TMEM131: variants seen among roughly 807,000 people sequenced by gnomAD.
The protein encoded by TMEM131 is transmembrane protein 131.
A neutral mutation model predicts 211.6 loss-of-function variants in TMEM131; 66 were observed. The observed-to-expected ratio is 0.31, with a 90% CI of 0.26 to 0.38. The LOEUF is 0.38. TMEM131 is among the 10% of genes least tolerant of loss of function. TMEM131 has a pLI of 1.00. For synonymous variants in TMEM131, 844 were observed against 841.3 expected (o/e 1.00, Z -0.06); for missense variants, 2,036 against 2,299.3 (o/e 0.89, Z 2.34).
chr2:97,953,081 G>A (rs1372143822), intron 1 of TMEM131, among the ~76,000 whole-genome samples: 2 of 152,136 alleles, frequency 1.3e-5, no homozygotes, highest in East Asian at 3.8e-4. Flanking sequence ...AGGCAGCTTG[G>A]AATTTCATAA....
chr2:97,825,366 T>C (rs1318469871), intron 11 of TMEM131, among the ~76,000 whole-genome samples: 1 of 152,228 alleles, frequency 6.6e-6, no homozygotes, highest in African/African-American at 2.4e-5. Context: ...TATCTAGGCC[T>C]AATCTTAGCT....
At chr2:97,840,976 A>G (rs1683168154) in intron 7 of TMEM131, among the ~76,000 whole-genome samples, 1 of 152,166 alleles carries the variant, frequency 6.6e-6, no homozygotes, top group Non-Finnish European at 1.5e-5. Flanking sequence ...GTGGTCTGGG[A>G]CAACAGCCAT....
intron 7 of TMEM131, among the ~76,000 whole-genome samples, chr2:97,837,927 A>G (rs1485126440): frequency 1.3e-5 from 2 of 152,196 alleles, no homozygotes; most frequent in Non-Finnish European, 2.9e-5. Flanking sequence ...TCTGCTCTCT[A>G]TCACCTCAGA....
At chr2:97,880,125 T>C (rs754735232) in intron 4 of TMEM131, among the ~76,000 whole-genome samples, 2 of 146,570 alleles carry the variant, frequency 1.4e-5, no homozygotes, top group Non-Finnish European at 3.0e-5. Flanking sequence ...CCTATATGTA[T>C]GAAAACTTCC....
At chr2:97,926,891 G>C (rs944946870) in intron 2 of TMEM131, among the ~76,000 whole-genome samples, 1 of 152,166 alleles carries the variant, frequency 6.6e-6, no homozygotes, top group African/African-American at 2.4e-5. Context: ...GAATTTTCCA[G>C]AAATTCAGTC....
intron 1 of TMEM131, among the ~76,000 whole-genome samples, chr2:97,936,083 C>T (rs1677431666): frequency 6.6e-6 from 1 of 152,176 alleles, no homozygotes; most frequent in African/African-American, 2.4e-5. Flanking sequence ...ACCTGGAAGG[C>T]TACTTTTATT....
At chr2:97,941,970 A>G (rs546059002) in intron 1 of TMEM131, among the ~76,000 whole-genome samples, 2 of 152,316 alleles carry the variant, frequency 1.3e-5, no homozygotes. Context: ...CCATCCCATT[A>G]CCGGGTATAT....
At chr2:97,913,846 G>C (rs1452022195) in intron 2 of TMEM131, among the ~76,000 whole-genome samples, 2 of 152,068 alleles carry the variant, frequency 1.3e-5, no homozygotes, top group Non-Finnish European at 2.9e-5. Flanking sequence ...GCCACACCAG[G>C]CGCCATTTGA....
intron 27 of TMEM131, 65 bp from the exon 28 acceptor site, chr2:97,796,469 A>G: frequency 1.0e-6 from 1 of 994,506 alleles, no homozygotes; most frequent in Non-Finnish European, 1.5e-6. Context: ...TCCAAATGAT[A>G]AATACATTAT....
At chr2:97,763,253 G>A (rs930397976) in intron 35 of TMEM131, 1 of 152,462 alleles carries the variant, frequency 6.6e-6, no homozygotes, top group Non-Finnish European at 1.5e-5. Context: ...AGGGCTCAAG[G>A]TTTCCCATGT....
chr2:97,967,995 A>C (rs1211367543), intron 1 of TMEM131, among the ~76,000 whole-genome samples: 1 of 151,962 alleles, frequency 6.6e-6, no homozygotes, highest in Non-Finnish European at 1.5e-5. Flanking sequence ...CTTACTGCCT[A>C]AGACCTCAAA....
chr2:97,811,922 C>T (rs975426286), intron 17 of TMEM131, among the ~76,000 whole-genome samples: 3 of 151,990 alleles, frequency 2.0e-5, no homozygotes, highest in Non-Finnish European at 2.9e-5. Flanking sequence ...TCTTGTTTAG[C>T]GCTCTCTGAC....
intron 12 of TMEM131, among the ~76,000 whole-genome samples, chr2:97,815,601 A>T (rs1252101279): frequency 1.3e-5 from 2 of 152,188 alleles, no homozygotes; most frequent in Non-Finnish European, 2.9e-5. Flanking sequence ...CTTTGGCTTT[A>T]CTTACAGCAG....
intron 1 of TMEM131, among the ~76,000 whole-genome samples, chr2:97,973,765 C>T (rs533949715): frequency 9.1e-4 from 138 of 152,298 alleles, no homozygotes; most frequent in Non-Finnish European, 1.6e-3. Context: ...ACATACTGGA[C>T]AGAGTGCTCA....
intron 4 of TMEM131, among the ~76,000 whole-genome samples, chr2:97,872,716 C>T (rs116059883): frequency 0.021 from 3,188 of 152,302 alleles, 57 homozygotes; most frequent in South Asian, 0.072. Context: ...ACAGATACTG[C>T]GCTTGTCCCA....
intron 33 of TMEM131, among the ~76,000 whole-genome samples, chr2:97,770,750 G>C (rs1679430170): frequency 6.6e-6 from 1 of 152,104 alleles, no homozygotes. Context: ...GGGCCAATTT[G>C]GTGACAGTCA....
intron 4 of TMEM131, among the ~76,000 whole-genome samples, chr2:97,875,140 G>C (rs1270420757): frequency 6.6e-6 from 1 of 152,176 alleles, no homozygotes; most frequent in African/African-American, 2.4e-5. Context: ...TAATGGTAAA[G>C]GGATCAATGC....
At chr2:97,953,546 A>G (rs1178153110) in intron 1 of TMEM131, among the ~76,000 whole-genome samples, 1 of 152,158 alleles carries the variant, frequency 6.6e-6, no homozygotes, top group Non-Finnish European at 1.5e-5. Context: ...TAAAACAAAA[A>G]CTGATAAAGC....
chr2:97,942,969 AAAGAAAG>A (rs1677814606), intron 1 of TMEM131, among the ~76,000 whole-genome samples: 1 of 137,432 alleles, frequency 7.3e-6, no homozygotes, highest in African/African-American at 2.9e-5. Context: ...AAAAAAAAAG[AAAGAAAG>A]AAAGAAAGAA....
Sources: allele counts gnomAD v4.1 joint callset (sites outside exome capture counted in the v4.1 genomes callset), GRCh38; gene constraint gnomAD v4.1.1; transcripts MANE v1.5; gene names NCBI Gene and HGNC (gene_info 2026-07-23, HGNC 2026-07-21).